TBPL1: variants seen among roughly 807,000 people sequenced by gnomAD.
TBPL1 encodes TATA box-binding protein-like 1.
In TBPL1, 4 loss-of-function variants were observed where a neutral mutation model predicts 22.1. The ratio of observed to expected loss-of-function variants is 0.18; its 90% CI spans 0.09 to 0.41. The LOEUF is 0.41. Among genes scored for constraint, TBPL1 ranks in the 10% least tolerant of loss-of-function variants. The pLI, the probability that TBPL1 is intolerant of heterozygous loss-of-function variation, is 1.00. For missense variants in TBPL1, 115 were observed against 222.3 expected, an observed-to-expected ratio of 0.52 and a Z score of 3.07; for synonymous variants, 64 against 71.0, an observed-to-expected ratio of 0.90 and a Z score of 0.50.
At chr6:133,975,228 G>A (rs1296679152) in intron 1 of TBPL1, among the ~76,000 whole-genome samples, 1 of 152,008 alleles carries the variant, frequency 6.6e-6, no homozygotes, top group Non-Finnish European at 1.5e-5. Flanking sequence ...AGTGAAAAAA[G>A]GGTAAGTAGG....
intron 4 of TBPL1, 118 bp downstream of exon 4, chr6:133,982,998 T>C: frequency 7.1e-6 from 7 of 985,924 alleles, no homozygotes; most frequent in Non-Finnish European, 9.9e-6. Context: ...TTAAACTTTT[T>C]CTAGGTTTTT....
chr6:133,965,044 G>A (rs1318061279), intron 1 of TBPL1, among the ~76,000 whole-genome samples: 1 of 152,156 alleles, frequency 6.6e-6, no homozygotes, highest in Non-Finnish European at 1.5e-5. Flanking sequence ...TGATCTTGAT[G>A]CATGCCAATT....
At chr6:133,982,413 T>C (rs1776432604) in intron 2 of TBPL1, among the ~76,000 whole-genome samples, 155 bp from the exon 3 acceptor site, 1 of 152,248 alleles carries the variant, frequency 6.6e-6, no homozygotes, top group South Asian at 2.1e-4. Context: ...GTGTTTGGTA[T>C]TGTACTTGAT....
At position 133,984,696 on chromosome 6, in the gene TBPL1, C is replaced by T. The variant is rs1204254793; in HGVS notation, c.481+25C>T. The T allele has an allele frequency of 6.5e-6, 10 of 1,538,616 alleles. No homozygotes were observed. The South Asian group carries it at 6.7e-5, about 10-fold the overall frequency. ...GGTATTCTATGATATTGAAACCACACTTATCAATTATGGATTGAATGATAC... is the reference window on the plus strand; with the variant it reads ...GGTATTCTATGATATTGAAACCACATTTATCAATTATGGATTGAATGATAC... On this transcript the variant is annotated intron_variant, in intron 6 of 6. Transcript: ENST00000237264.
In TBPL1 at chr6:133,981,099, A is replaced by G. The variant is rs183424630; in HGVS notation, c.135+839A>G. Among the ~76,000 whole-genome samples the G allele has an allele frequency of 2.6e-3, 398 of 151,366 alleles. 2 individuals are homozygous for G. The highest frequency in any genetic ancestry group is 7.9e-3 in the African/African-American group (324 of 41,072). The stretch of plus-strand genomic sequence containing the variant: ...GCAATTCTCCTGTCTCAGCCTCCCA[A>G]GTAGCTAGGATTACAGGTGCACACC... On this transcript the variant is annotated intron_variant, in intron 2 of 6. Coordinates refer to ENST00000237264, the MANE Select transcript of TBPL1 (RefSeq NM_004865.4).
At chr6:133,984,694 C>CA in intron 6 of TBPL1, 23 bp downstream of exon 6, 1 of 1,545,204 alleles carries the variant, frequency 6.5e-7, no homozygotes, top group Non-Finnish European at 8.9e-7. Context: ...ATTGAAACCA[C>CA]ACTTATCAAT....
At chr6:133,956,321 C>G (rs1453363786) in intron 1 of TBPL1, among the ~76,000 whole-genome samples, 1 of 152,096 alleles carries the variant, frequency 6.6e-6, no homozygotes, top group Non-Finnish European at 1.5e-5. Flanking sequence ...TTTGTTGTGC[C>G]TTCTGTATGT....
At chr6:133,958,052 A>AATTGTCAC (rs919689899) in intron 1 of TBPL1, among the ~76,000 whole-genome samples, 16 of 152,138 alleles carry the variant, frequency 1.1e-4, no homozygotes, top group African/African-American at 3.1e-4. Flanking sequence ...TTAAGTTTTG[A>AATTGTCAC]ATTGTCACAC....
chr6:133,974,830 C>A (rs1280689528), intron 1 of TBPL1, among the ~76,000 whole-genome samples: 1 of 152,112 alleles, frequency 6.6e-6, no homozygotes, highest in African/African-American at 2.4e-5. Context: ...TTTAAGTTAG[C>A]ATTTCCTCAA....
At chr6:133,986,939 T>C in intron 6 of TBPL1, 22 bp from the exon 7 acceptor site, 1 of 1,560,752 alleles carries the variant, frequency 6.4e-7, no homozygotes, top group Non-Finnish European at 8.7e-7. Flanking sequence ...TCTCACTCCT[T>C]CCTCCATTGT....
chr6:133,966,170 A>G (rs1365016149), intron 1 of TBPL1, among the ~76,000 whole-genome samples: 1 of 152,142 alleles, frequency 6.6e-6, no homozygotes, highest in Non-Finnish European at 1.5e-5. Flanking sequence ...TCAAGCTTAC[A>G]GTTAAACTCT....
Position 133,990,321 on chromosome 6 carries a change from A to T in TBPL1, c.*3281A>T, listed in dbSNP as rs922319044. On this transcript the variant is annotated 3_prime_UTR_variant, in exon 7 of 7. Transcript: ENST00000237264. ...GCAGCTTTTCTAGGCTTGACTTAAT[A>T]ACTTCAACCTAATTGCTTAGAGATT... The T allele has an allele frequency of 1.3e-5, 2 of 152,634 alleles. No homozygotes were observed. Among genetic ancestry groups the T allele is most frequent in the African/African-American group, 4.8e-5 (2 of 41,438 alleles). 9.5% of individuals were successfully genotyped at this position (152,634 alleles called of 1,614,324 possible).
At chr6:133,981,637 T>C (rs906812471) in intron 2 of TBPL1, among the ~76,000 whole-genome samples, 15 of 152,212 alleles carry the variant, frequency 9.9e-5, no homozygotes, top group African/African-American at 3.6e-4. Context: ...TTTGGTGAAT[T>C]TTGAGTCTGC....
At chr6:133,972,711 T>TTTC (rs1776246251) in intron 1 of TBPL1, among the ~76,000 whole-genome samples, 1 of 151,894 alleles carries the variant, frequency 6.6e-6, no homozygotes, top group South Asian at 2.1e-4. Flanking sequence ...TTTGTTTTTT[T>TTTC]CCCCTCATCT....
At chr6:133,977,089 T>C (rs1776328104) in intron 1 of TBPL1, among the ~76,000 whole-genome samples, 1 of 152,234 alleles carries the variant, frequency 6.6e-6, no homozygotes, top group Non-Finnish European at 1.5e-5. Flanking sequence ...TCTTTGTTAA[T>C]ATCCAGTTCT....
rs1776577860 is a variant in TBPL1 at position 133,988,898 on chromosome 6, C to T, written c.*1858C>T. ...AAGTCACCTCCTGTTTTTCAATGTT[C>T]ACCAAAAAAAGAAACATAGAATAGG... On this transcript the variant is annotated 3_prime_UTR_variant, in exon 7 of 7. Transcript: ENST00000237264. 1 of 151,850 alleles carries T rather than the reference C, an allele frequency of 6.6e-6. No individual in the cohort carries two copies. Among genetic ancestry groups the T allele is most frequent in the South Asian group, 2.1e-4 (1 of 4,820 alleles). 9.4% of individuals were successfully genotyped at this position (151,850 alleles called of 1,614,324 possible).
chr6:133,984,617 A>G lies in TBPL1; in HGVS notation c.427A>G (p.Lys143Glu). The stretch of plus-strand genomic sequence containing the variant: ...TCATCCTGCTGTGTGCTATCGGATA[A>G]AATCTCTAAGAGCTACATTACAGAT... Reference protein sequence around the residue: ...ELHPAVCYRIKSLRATLQIFS... With the variant: ...ELHPAVCYRIESLRATLQIFS... Residue 143 changes from lysine to glutamate, a missense_variant, in exon 6 of 7, where the codon AAA becomes GAA. Physicochemically the swap from Lys to Glu is moderately conservative, Grantham distance 56. Transcript: ENST00000237264. 6.2e-7 allele frequency: 1 copy of G among 1,613,378 alleles called. No homozygotes were observed. Among genetic ancestry groups the G allele is most frequent in the Non-Finnish European group, 8.5e-7 (1 of 1,179,860 alleles).
intron 1 of TBPL1, 94 bp from the exon 2 acceptor site, chr6:133,979,988 A>G (rs1456900092): frequency 2.1e-6 from 2 of 958,230 alleles, no homozygotes; most frequent in Non-Finnish European, 2.9e-6. Flanking sequence ...AAAATAAATA[A>G]TATAGATTCA....
chr6:133,985,002 C>T (rs1776482045), intron 6 of TBPL1, among the ~76,000 whole-genome samples: 1 of 151,596 alleles, frequency 6.6e-6, no homozygotes, highest in African/African-American at 2.4e-5. Flanking sequence ...TCTGGTAGGC[C>T]AGGTGCATTG....
Sources: gnomAD v4.1 joint callset for allele counts (sites outside exome capture counted in the v4.1 genomes callset) on GRCh38, gnomAD v4.1.1 for gene constraint, MANE v1.5 for transcripts, NCBI Gene and HGNC (gene_info 2026-07-23, HGNC 2026-07-21) for gene names.